Variants in MYOM1 observed in about 807,000 individuals in gnomAD.
The protein encoded by MYOM1 is myomesin 1.
A neutral mutation model predicts 205.3 loss-of-function variants in MYOM1; 164 were observed. The ratio of observed to expected loss-of-function variants is 0.80; its 90% confidence interval spans 0.70 to 0.91. The LOEUF (loss-of-function observed/expected upper bound fraction) is 0.91. Among genes scored for constraint, MYOM1 ranks in the 40% least tolerant of loss-of-function variants. The pLI is 0.00. For synonymous variants in MYOM1, 772 were observed against 789.4 expected (o/e 0.98, Z 0.37); for missense variants, 2,011 against 2,127.3 (o/e 0.95, Z 1.08).
chr18:3,184,204 C>A (rs114503803), intron 5 of MYOM1, among the ~76,000 whole-genome samples: 1,999 of 152,222 alleles, frequency 0.013, 36 homozygotes, highest in African/African-American at 0.045. Context: ...GCTGGCCCAG[C>A]CCAGTTAATG....
intron 19 of MYOM1, among the ~76,000 whole-genome samples, chr18:3,126,362 G>A (rs1487009821): frequency 2.0e-5 from 3 of 150,650 alleles, no homozygotes. Context: ...GCTGCAGAAG[G>A]ATCCTGGGAC....
rs372107813 is a variant in MYOM1, at chr18:3,084,775, A to G, written c.4339+270T>C. ...GCCTGGAACATTTTTATAGAGTTGA[A>G]ACAAAAATGATTTAAATTGAAAACA... On this transcript the variant is annotated intron_variant, in intron 31 of 37. Coordinates refer to ENST00000356443, the MANE Select transcript of MYOM1 (RefSeq NM_003803.4). 2.0e-5 allele frequency among the ~76,000 whole-genome samples: 3 copies of G among 152,182 alleles called. No homozygotes were observed. The East Asian group carries it at 5.8e-4, about 29-fold the overall frequency.
chr18:3,112,263 A>G, intron 22 of MYOM1, 35 bp downstream of exon 22: 1 of 1,575,070 alleles, frequency 6.3e-7, no homozygotes, highest in Non-Finnish European at 8.7e-7. Flanking sequence ...TCTTACACAG[A>G]TAGGATTAGT....
intron 1 of MYOM1, among the ~76,000 whole-genome samples, chr18:3,216,684 G>A (rs1443697217): frequency 6.6e-6 from 1 of 152,204 alleles, no homozygotes; most frequent in Non-Finnish European, 1.5e-5. Flanking sequence ...GGCCAGTAGT[G>A]TAGGGTCCTG....
rs1038935224 is a variant in MYOM1, at chr18:3,203,089, C to T, written c.291-9131G>A. Among the ~76,000 whole-genome samples, 107 of 151,300 alleles carry T rather than the reference C, an allele frequency of 7.1e-4. 1 individual carries two copies. The highest frequency in any genetic ancestry group is 4.2e-4 in the South Asian group (2 of 4,794). On this transcript the variant is annotated intron_variant, in intron 2 of 37. Coordinates refer to ENST00000356443, the MANE Select transcript of MYOM1 (RefSeq NM_003803.4). ...TCACAAAGGAAATTAGAAAATACTTCGAACTATATAAAAACAAAAACACAA... is the reference window on the plus strand; with the variant it reads ...TCACAAAGGAAATTAGAAAATACTTTGAACTATATAAAAACAAAAACACAA...
At chr18:3,120,657 T>C (rs1249795134) in intron 19 of MYOM1, among the ~76,000 whole-genome samples, 5 of 152,178 alleles carry the variant, frequency 3.3e-5, no homozygotes, top group Admixed American at 2.0e-4. Flanking sequence ...GTGCATTGTT[T>C]TCAGCCACCG....
chr18:3,131,522 A>G (rs945802274), intron 16 of MYOM1, 26 bp from the exon 17 acceptor site: 2 of 1,604,650 alleles, frequency 1.2e-6, no homozygotes, highest in African/African-American at 2.7e-5. Context: ...GTTTTAAAAA[A>G]TTTTCCTAGG....
At chr18:3,117,550 T>C (rs1014054168) in intron 20 of MYOM1, among the ~76,000 whole-genome samples, 1 of 152,242 alleles carries the variant, frequency 6.6e-6, no homozygotes, top group Non-Finnish European at 1.5e-5. Context: ...ATGTGGCCTG[T>C]ATGAATGCTA....
At position 3,155,061 on chromosome 18, in the gene MYOM1, G is replaced by A; in HGVS notation, c.1529C>T (p.Pro510Leu). ...RDADAEIEGA[P>L]AAPLDVKCLE... ...GCACTTCACATCCAAGGGAGCAGCT[G>A]GGGCTCCTTCAATCTCTGCATCAGC... is the stretch of plus-strand genomic sequence containing the variant. Residue 510 changes from proline to leucine, a missense_variant, in exon 11 of 38, where the codon CCA (proline) becomes CTA (leucine). Transcript: ENST00000356443. The A allele has an allele frequency of 6.2e-7, 1 of 1,612,938 alleles. No individual in the cohort carries two copies. The highest frequency in any genetic ancestry group is 8.5e-7 in the Non-Finnish European group (1 of 1,179,458).
In MYOM1 at chr18:3,209,761, T is replaced by A. The variant is rs979413655; in HGVS notation, c.290+5173A>T. Among the ~76,000 whole-genome samples, 1 of 152,226 alleles carries A rather than the reference T, an allele frequency of 6.6e-6. No homozygotes were observed. Among genetic ancestry groups the A allele is most frequent in the Non-Finnish European group, 1.5e-5 (1 of 68,038 alleles). ...CAGATATCACCTTCTCAACAAGGCC[T>A]GACTGCCCTCTTGAAAATTCTAACC... is the stretch of plus-strand genomic sequence containing the variant. On this transcript the variant is annotated intron_variant, in intron 2 of 37. Coordinates refer to ENST00000356443, the MANE Select transcript of MYOM1 (RefSeq NM_003803.4). This position sits in a 1 kb window ranked among gnomAD's most constrained non-coding sequence, Gnocchi z 4.0.
At chr18:3,182,913 CTTTTTTTTTTTTTTTT>C (rs549386891) in intron 5 of MYOM1, among the ~76,000 whole-genome samples, 7,935 of 92,516 alleles carry the variant, frequency 0.086, 833 homozygotes, top group African/African-American at 0.27. Context: ...TTTCTTTCTT[CTTTTTTTTTTTTTTTT>C]TTTTTTTTTT....
In MYOM1 at chr18:3,173,945, G is replaced by A; in HGVS notation, c.1167C>T (p.Pro389=). 6.2e-7 allele frequency: 1 copy of A among 1,613,424 alleles called. No individual in the cohort carries two copies. Among genetic ancestry groups the A allele is most frequent in the Non-Finnish European group, 8.5e-7 (1 of 1,179,466 alleles). ...TRFHAGASTM[P]LSFGVTPYGY... is the part of the protein sequence containing the mutation. ...ATGTGTTTTTAAACTTACAGCTGAG[G>A]GGCATGGTGGAAGCCCCAGCGTGGA... Residue 389 remains proline (P), a synonymous_variant, in exon 8 of 38, where the codon CCC becomes CCT. Coordinates refer to ENST00000356443, the MANE Select transcript of MYOM1 (RefSeq NM_003803.4).
chr18:3,209,291 C>T lies in MYOM1; in HGVS notation c.290+5643G>A, dbSNP rs1469889954. On this transcript the variant is annotated intron_variant, in intron 2 of 37. Transcript: ENST00000356443. This position sits in a 1 kb window ranked among gnomAD's most constrained non-coding sequence, Gnocchi z 4.0. ...CTGAGGAACTCTGGGAGAAATCTGA[C>T]GGAATTCAGAACTCAGCCATGACCA... Among the ~76,000 whole-genome samples the T allele has an allele frequency of 1.3e-5, 2 of 152,140 alleles. No individual in the cohort carries two copies. The highest frequency in any genetic ancestry group is 2.4e-5 in the African/African-American group (1 of 41,432).
intron 2 of MYOM1, among the ~76,000 whole-genome samples, chr18:3,200,219 A>C (rs529431006): frequency 1.3e-5 from 2 of 152,286 alleles, no homozygotes; most frequent in Non-Finnish European, 2.9e-5. Context: ...AAAAAACAAA[A>C]CCAAAATACA....
At position 3,120,005 on chromosome 18, in the gene MYOM1, T is replaced by C; in HGVS notation, c.2992-10A>G. 1 of 1,585,634 alleles carries C rather than the reference T, an allele frequency of 6.3e-7. No individual in the cohort carries two copies. The highest frequency in any genetic ancestry group is 8.6e-7 in the Non-Finnish European group (1 of 1,165,148). On this transcript the variant is annotated splice_polypyrimidine_tract_variant and intron_variant, in intron 19 of 37. Coordinates refer to ENST00000356443, the MANE Select transcript of MYOM1 (RefSeq NM_003803.4). The stretch of plus-strand genomic sequence containing the variant: ...CCTTCAAGTTGCTAATCTGCAACAT[T>C]GACAACATCACAGATACTGAATGTT...
Position 3,085,249 on chromosome 18 carries a change from T to TGC in MYOM1, c.4252-118_4252-117insGC. ...TGCTGCTTTTTTTTTTTTTTTTTTT[T>TGC]TTTTTTTTTTTTTTTTTTTTTTTGA... is the stretch of plus-strand genomic sequence containing the variant. On this transcript the variant is annotated intron_variant, in intron 30 of 37. Coordinates refer to ENST00000356443, the MANE Select transcript of MYOM1 (RefSeq NM_003803.4). 9 of 251,932 alleles carry TGC rather than the reference T, an allele frequency of 3.6e-5. No homozygotes were observed. The South Asian group carries it at 6.5e-4, about 18-fold the overall frequency. The allele number at this position is 251,932 out of a possible 1,614,324, so 15.6% of individuals were successfully genotyped here.
intron 17 of MYOM1, 34 bp downstream of exon 17, chr18:3,131,341 T>C: frequency 6.2e-7 from 1 of 1,607,374 alleles, no homozygotes; most frequent in Non-Finnish European, 8.5e-7. Flanking sequence ...AAAAATCCAT[T>C]TTTCCCCCAT....
chr18:3,173,028 A>G (rs186509415), intron 8 of MYOM1, among the ~76,000 whole-genome samples: 54 of 152,338 alleles, frequency 3.5e-4, no homozygotes, highest in Admixed American at 3.2e-3. Flanking sequence ...GCTATCAGCC[A>G]TTTTCAAAAC....
At chr18:3,075,550 G>A (rs2079011656) in intron 35 of MYOM1, 74 bp from the exon 36 acceptor site, 5 of 1,524,818 alleles carry the variant, frequency 3.3e-6, no homozygotes, top group Non-Finnish European at 4.6e-6. Flanking sequence ...TAAACTTGAC[G>A]ACATTTTCCT....
Sources: allele counts gnomAD v4.1 joint callset (sites outside exome capture counted in the v4.1 genomes callset), GRCh38; gene constraint gnomAD v4.1.1; non-coding constraint Gnocchi (gnomAD v3.1); transcripts MANE v1.5; gene names NCBI Gene and HGNC (gene_info 2026-07-23, HGNC 2026-07-21).